Variants in EXD3 observed in about 807,000 individuals in gnomAD.
EXD3 encodes exonuclease 3'-5' domain containing 3.
In EXD3, 92 loss-of-function variants were observed where a neutral mutation model predicts 98.0. The observed-to-expected ratio is 0.94, with a 90% CI of 0.79 to 1.12. The LOEUF is 1.12. EXD3 is among the 50% of genes most tolerant of loss of function. The pLI is 0.00. For missense variants in EXD3, 1,222 were observed against 1,191.6 expected (o/e 1.03, Z -0.38); for synonymous variants, 569 against 526.0 (o/e 1.08, Z -1.12).
chr9:137,378,377 TG>T (rs1836025479), intron 3 of EXD3, among the ~76,000 whole-genome samples: 1 of 151,958 alleles, frequency 6.6e-6, no homozygotes, highest in African/African-American at 2.4e-5. Flanking sequence ...CTCGGCTAAT[TG>T]TTGTATTTTT....
chr9:137,409,625 T>C (rs1490057190), intron 1 of EXD3, among the ~76,000 whole-genome samples: 1 of 149,372 alleles, frequency 6.7e-6, no homozygotes, highest in Non-Finnish European at 1.5e-5. Flanking sequence ...TACAAAGCCC[T>C]GGACCTAAAA....
chr9:137,399,022 C>G (rs1837361187), intron 1 of EXD3, among the ~76,000 whole-genome samples: 1 of 152,212 alleles, frequency 6.6e-6, no homozygotes, highest in Admixed American at 6.5e-5. Flanking sequence ...AACACGTGCA[C>G]ACCGACATCC....
At chr9:137,354,481 G>T in intron 9 of EXD3, 104 bp from the exon 10 acceptor site, 1 of 1,567,554 alleles carries the variant, frequency 6.4e-7, no homozygotes, top group Non-Finnish European at 8.6e-7. Context: ...ATCCTTGGCA[G>T]AGCCCAGGTG....
At chr9:137,383,277 G>A in intron 3 of EXD3, 36 bp downstream of exon 3, 1 of 1,529,768 alleles carries the variant, frequency 6.5e-7, no homozygotes, top group South Asian at 1.2e-5. Flanking sequence ...TCTGCTGGCT[G>A]TGACTTGGCA....
rs928952870 is a variant in EXD3, at chr9:137,405,738, A to C, written c.-47-10334T>G. Among the ~76,000 whole-genome samples, 1 of 152,192 alleles carries C rather than the reference A, an allele frequency of 6.6e-6. No homozygotes were observed. Among genetic ancestry groups the C allele is most frequent in the Admixed American group, 6.5e-5 (1 of 15,278 alleles). ...AGATCAAGTTCCTGATAAATGTTAG[A>C]GTTAGCCTGACTCAGCATGAGCCTG... On this transcript the variant is annotated intron_variant, in intron 1 of 21. Transcript: ENST00000340951. The surrounding 1 kb of genome is among the most constrained non-coding windows in gnomAD (Gnocchi z 4.1).
chr9:137,320,599 T>C lies in EXD3; in HGVS notation c.2184+3126A>G, dbSNP rs1441362230. 2.0e-5 allele frequency among the ~76,000 whole-genome samples: 3 copies of C among 152,086 alleles called. No homozygotes were observed. The East Asian group carries it at 5.8e-4, about 29-fold the overall frequency. On this transcript the variant is annotated intron_variant, in intron 19 of 21. Coordinates refer to ENST00000340951, the MANE Select transcript of EXD3 (RefSeq NM_017820.5). ...AGCCAGCAAAGAGGCAGGGCGGACA[T>C]GGGTCAGGGCGGCCCCCACTGCTCA...
At chr9:137,419,392 G>A (rs1284605818) in intron 1 of EXD3, among the ~76,000 whole-genome samples, 3 of 152,192 alleles carry the variant, frequency 2.0e-5, no homozygotes, top group East Asian at 1.9e-4. Context: ...GTTTAAGGCC[G>A]GGCACGGTGG....
chr9:137,368,016 C>T, intron 5 of EXD3, 27 bp from the exon 6 acceptor site: 1 of 1,600,914 alleles, frequency 6.2e-7, no homozygotes, highest in Non-Finnish European at 8.5e-7. Context: ...CGGCAGATTA[C>T]TCAGGGCCTG....
rs781179055 is a variant in EXD3 at position 137,352,641 on chromosome 9, C to A, written c.1016G>T (p.Arg339Leu). The A allele has an allele frequency of 1.3e-6, 2 of 1,547,044 alleles. No individual in the cohort carries two copies. The highest frequency in any genetic ancestry group is 8.7e-7 in the Non-Finnish European group (1 of 1,145,998). The change falls in exon 11 of 22, where the codon CGC (arginine) becomes CTC (leucine). Residue 339 changes from arginine (R) to leucine (L), a missense_variant. Coordinates refer to ENST00000340951, the MANE Select transcript of EXD3 (RefSeq NM_017820.5). ...RLPAAVAVEL[R>L]RFRLQGRATE... ...TCACCTCCCCTGGAGCCTGAACCGGCGGAGTTCCACAGCCACCGCAGCCGG... is the reference window on the plus strand; with the variant it reads ...TCACCTCCCCTGGAGCCTGAACCGGAGGAGTTCCACAGCCACCGCAGCCGG...
rs559030844 is a variant in EXD3 at position 137,321,421 on chromosome 9, G to T, written c.2184+2304C>A. On this transcript the variant is annotated intron_variant, in intron 19 of 21. Transcript: ENST00000340951. ...GGCTTGGGAGGCTGGGATTACTCAC[G>T]CCTGTCATCCCAGCACTTTGGGAGG... Among the ~76,000 whole-genome samples the T allele has an allele frequency of 1.7e-4, 26 of 152,310 alleles. 1 individual carries two copies. In the South Asian group the frequency reaches 5.4e-3, roughly 32 times the overall value.
intron 20 of EXD3, among the ~76,000 whole-genome samples, chr9:137,308,286 G>A (rs1331729677): frequency 6.6e-6 from 1 of 152,202 alleles, no homozygotes; most frequent in Non-Finnish European, 1.5e-5. Context: ...TTTCGCTACA[G>A]ATGGCTCCAG....
intron 2 of EXD3, 68 bp from the exon 3 acceptor site, chr9:137,383,445 G>A: frequency 1.6e-6 from 2 of 1,266,164 alleles, no homozygotes; most frequent in South Asian, 2.9e-5. Flanking sequence ...AGCCCGCCGG[G>A]AAGTCCCTCC....
chr9:137,316,017 C>T (rs1450301697), intron 19 of EXD3, among the ~76,000 whole-genome samples: 6 of 151,078 alleles, frequency 4.0e-5, no homozygotes, highest in African/African-American at 1.5e-4. Flanking sequence ...GGAAGTCCCC[C>T]TTCTCCCCCT....
intron 1 of EXD3, among the ~76,000 whole-genome samples, chr9:137,406,584 A>C (rs1310817120): frequency 6.6e-6 from 1 of 152,212 alleles, no homozygotes; most frequent in African/African-American, 2.4e-5. Context: ...GGCTTCCTGC[A>C]CCAACGCACC....
At chr9:137,420,030 G>A (rs1044090854) in intron 1 of EXD3, among the ~76,000 whole-genome samples, 19 of 151,958 alleles carry the variant, frequency 1.3e-4, no homozygotes, top group Admixed American at 2.0e-4. Context: ...CATGGTGGCA[G>A]GTGCCTGTAG....
chr9:137,414,462 GAC>G (rs1838145960), intron 1 of EXD3, among the ~76,000 whole-genome samples: 1 of 151,904 alleles, frequency 6.6e-6, no homozygotes, highest in Admixed American at 6.6e-5. Flanking sequence ...CTGATCTGGG[GAC>G]ACACATTCCT....
chr9:137,365,948 C>G, intron 7 of EXD3: 1 of 478,580 alleles, frequency 2.1e-6, no homozygotes, highest in East Asian at 4.9e-5. Context: ...CAAACGTGCA[C>G]ACACGCACAT....
intron 19 of EXD3, 23 bp downstream of exon 19, chr9:137,323,702 A>G (rs1197785712): frequency 6.2e-7 from 1 of 1,608,756 alleles, no homozygotes; most frequent in Admixed American, 1.7e-5. Flanking sequence ...AGCCCCAGGT[A>G]GGACGGGGTG....
At chr9:137,390,796 G>C (rs1007912182) in intron 2 of EXD3, among the ~76,000 whole-genome samples, 5 of 152,212 alleles carry the variant, frequency 3.3e-5, no homozygotes, top group African/African-American at 9.6e-5. Flanking sequence ...AGCTGGGCCT[G>C]GGCAGGCGCC....
Sources: gnomAD v4.1 joint callset for allele counts (sites outside exome capture counted in the v4.1 genomes callset) on GRCh38, gnomAD v4.1.1 for gene constraint, Gnocchi (gnomAD v3.1) non-coding constraint, MANE v1.5 for transcripts, NCBI Gene and HGNC (gene_info 2026-07-23, HGNC 2026-07-21) for gene names.